Variants in RALYL observed in about 807,000 individuals in gnomAD.
RALYL encodes RALY RNA binding protein like.
RALYL carries 29 observed loss-of-function variants against 35.1 expected under a neutral mutation model. The ratio of observed to expected loss-of-function variants is 0.83; its 90% confidence interval spans 0.61 to 1.13. The LOEUF (loss-of-function observed/expected upper bound fraction) is 1.13. RALYL is among the 50% of genes most tolerant of loss of function. The pLI is 0.00. For synonymous variants in RALYL, 120 were observed against 127.6 expected, an observed-to-expected ratio of 0.94 and a Z score of 0.40; for missense variants, 359 against 360.4, an observed-to-expected ratio of 1.00 and a Z score of 0.03.
chr8:84,567,916 G>T (rs1353754356), intron 2 of RALYL, among the ~76,000 whole-genome samples: 2 of 151,590 alleles, frequency 1.3e-5, no homozygotes, highest in Non-Finnish European at 3.0e-5. Flanking sequence ...GTGGCAAGAT[G>T]ATACTTCAGT....
chr8:84,188,945 C>G (rs1237840061), intron 1 of RALYL, among the ~76,000 whole-genome samples: 1 of 151,946 alleles, frequency 6.6e-6, no homozygotes, highest in Non-Finnish European at 1.5e-5. Flanking sequence ...TTGAATTATC[C>G]TGCTATTTTT....
At chr8:84,729,534 A>G (rs1845701676) in intron 2 of RALYL, among the ~76,000 whole-genome samples, 2 of 152,148 alleles carry the variant, frequency 1.3e-5, no homozygotes, top group Admixed American at 1.3e-4. Context: ...AACTAAAATC[A>G]GAGCAGAACT....
intron 1 of RALYL, among the ~76,000 whole-genome samples, chr8:84,200,881 C>T (rs1227921697): frequency 1.3e-5 from 2 of 152,088 alleles, no homozygotes; most frequent in Non-Finnish European, 2.9e-5. Flanking sequence ...ATATTGTTTA[C>T]ATTAATTTAA....
chr8:84,486,661 A>T (rs915453849), intron 1 of RALYL, among the ~76,000 whole-genome samples: 8 of 152,070 alleles, frequency 5.3e-5, no homozygotes, highest in Non-Finnish European at 8.8e-5. Context: ...TTTGAAAGAG[A>T]TGTATAAAAA....
intron 4 of RALYL, among the ~76,000 whole-genome samples, chr8:84,846,143 A>G (rs568612672): frequency 2.0e-5 from 3 of 152,210 alleles, no homozygotes; most frequent in South Asian, 2.1e-4. Flanking sequence ...GTTGTTCCCT[A>G]TGAATTTTCA....
At chr8:84,726,929 C>T (rs1845075860) in intron 2 of RALYL, among the ~76,000 whole-genome samples, 1 of 151,984 alleles carries the variant, frequency 6.6e-6, no homozygotes, top group Non-Finnish European at 1.5e-5. Context: ...CTTTGCAGCC[C>T]TCAGGAAAAT....
intron 1 of RALYL, among the ~76,000 whole-genome samples, chr8:84,311,505 CA>C (rs1468383918): frequency 1.2e-4 from 18 of 151,964 alleles, no homozygotes; most frequent in Middle Eastern, 3.5e-3. Context: ...ACTATGGTAG[CA>C]AAAAATACTA....
At chr8:84,338,378 G>A (rs1002616105) in intron 1 of RALYL, among the ~76,000 whole-genome samples, 30 of 150,690 alleles carry the variant, frequency 2.0e-4, no homozygotes, top group African/African-American at 6.3e-4. Context: ...AGAATTGTCC[G>A]AAGAGAACTA....
chr8:84,192,446 T>C (rs1814130391), intron 1 of RALYL, among the ~76,000 whole-genome samples: 1 of 152,202 alleles, frequency 6.6e-6, no homozygotes, highest in South Asian at 2.1e-4. Context: ...AAGTCAAATT[T>C]TGGTAGAATT....
intron 2 of RALYL, among the ~76,000 whole-genome samples, chr8:84,726,196 T>C (rs1358982460): frequency 4.7e-5 from 7 of 148,316 alleles, no homozygotes; most frequent in African/African-American, 1.7e-4. Flanking sequence ...ATCACACTTA[T>C]ATAAAAATAA....
chr8:84,318,188 A>T lies in RALYL; in HGVS notation c.-24+133764A>T, dbSNP rs565116729. ...AACTTCAGCGTGGCAACAGTAGAGT[A>T]TCAAATTCAAGCATGGGACCCTGTG... On this transcript the variant is annotated intron_variant, in intron 1 of 8. Coordinates refer to ENST00000521268, the MANE Select transcript of RALYL (RefSeq NM_173848.7). Among the ~76,000 whole-genome samples the T allele has an allele frequency of 1.0e-3, 151 of 150,980 alleles. 3 individuals are homozygous for T. Among genetic ancestry groups the T allele is most frequent in the African/African-American group, 3.6e-3 (149 of 40,824 alleles).
intron 1 of RALYL, among the ~76,000 whole-genome samples, chr8:84,332,362 G>A (rs377767288): frequency 1.1e-4 from 16 of 152,248 alleles, no homozygotes; most frequent in African/African-American, 3.6e-4. Flanking sequence ...CATAGACTGA[G>A]AAAGGGAAAT....
chr8:84,320,832 T>C (rs1048491668), intron 1 of RALYL, among the ~76,000 whole-genome samples: 4 of 152,146 alleles, frequency 2.6e-5, no homozygotes, highest in East Asian at 1.9e-4. Flanking sequence ...CCAGCCAAGA[T>C]AGATTATCAG....
intron 1 of RALYL, among the ~76,000 whole-genome samples, chr8:84,308,485 C>A (rs1248373025): frequency 6.6e-6 from 1 of 152,164 alleles, no homozygotes; most frequent in African/African-American, 2.4e-5. Flanking sequence ...AAATGACCCA[C>A]AAACAGATTT....
At chr8:84,597,261 G>T (rs1228416447) in intron 2 of RALYL, among the ~76,000 whole-genome samples, 2 of 151,988 alleles carry the variant, frequency 1.3e-5, no homozygotes, top group African/African-American at 2.4e-5. Flanking sequence ...ATGATTTAAG[G>T]TCCTAAACCA....
intron 1 of RALYL, among the ~76,000 whole-genome samples, chr8:84,386,313 A>G (rs1859187017): frequency 6.6e-6 from 1 of 151,860 alleles, no homozygotes; most frequent in African/African-American, 2.4e-5. Context: ...GATATTTTAA[A>G]ATTCAGCTCA....
intron 2 of RALYL, among the ~76,000 whole-genome samples, chr8:84,695,467 G>A (rs1838936161): frequency 6.6e-6 from 1 of 151,590 alleles, no homozygotes; most frequent in South Asian, 2.1e-4. Flanking sequence ...CAAGTGTCAG[G>A]GTACTGGTTA....
chr8:84,409,135 C>T (rs906175209), intron 1 of RALYL, among the ~76,000 whole-genome samples: 3 of 152,022 alleles, frequency 2.0e-5, no homozygotes, highest in Non-Finnish European at 4.4e-5. Context: ...CTAGATCCTG[C>T]ATAATCTTGC....
intron 2 of RALYL, among the ~76,000 whole-genome samples, chr8:84,636,602 C>G (rs982980261): frequency 4.0e-5 from 6 of 151,716 alleles, no homozygotes; most frequent in African/African-American, 1.2e-4. Context: ...AGAATAACAC[C>G]ACACTTTCTC....
Sources: gnomAD v4.1 joint callset for allele counts (sites outside exome capture counted in the v4.1 genomes callset) on GRCh38, gnomAD v4.1.1 for gene constraint, MANE v1.5 for transcripts, NCBI Gene and HGNC (gene_info 2026-07-23, HGNC 2026-07-21) for gene names.